MAPRE3: variants seen among roughly 807,000 people sequenced by gnomAD.
MAPRE3 encodes microtubule associated protein RP/EB family member 3.
Under a neutral mutation model 30.5 loss-of-function variants are expected in MAPRE3, and 2 were observed. The ratio of observed to expected loss-of-function variants is 0.07; its 90% CI spans 0.03 to 0.21. The LOEUF is 0.21. Among genes scored for constraint, MAPRE3 ranks in the 10% least tolerant of loss-of-function variants. The pLI is 1.00. For synonymous variants in MAPRE3, 110 were observed against 127.7 expected (o/e 0.86, Z 0.93); for missense variants, 204 against 351.8 (o/e 0.58, Z 3.36).
intron 1 of MAPRE3, among the ~76,000 whole-genome samples, chr2:26,989,944 C>T (rs1189512529): frequency 2.0e-5 from 3 of 152,102 alleles, no homozygotes; most frequent in Non-Finnish European, 4.4e-5. Flanking sequence ...TTTGAGAAGC[C>T]GAGGTGGGAC....
intron 1 of MAPRE3, among the ~76,000 whole-genome samples, chr2:27,014,301 C>T (rs1379289004): frequency 2.0e-5 from 3 of 152,176 alleles, no homozygotes; most frequent in African/African-American, 7.2e-5. Context: ...CCCAAGGACT[C>T]CTTCCCTGGC....
chr2:26,972,911 A>C (rs1665942444), intron 1 of MAPRE3, among the ~76,000 whole-genome samples: 1 of 152,234 alleles, frequency 6.6e-6, no homozygotes, highest in Admixed American at 6.5e-5. Flanking sequence ...CTATGAGGAA[A>C]CAGGACTAAT....
intron 1 of MAPRE3, among the ~76,000 whole-genome samples, chr2:26,977,031 A>C (rs1206488380): frequency 6.6e-6 from 1 of 152,268 alleles, no homozygotes; most frequent in Non-Finnish European, 1.5e-5. Context: ...ATGGCATTAA[A>C]AACATTTGGA....
At chr2:26,992,857 A>G (rs1025914547) in intron 1 of MAPRE3, among the ~76,000 whole-genome samples, 1 of 152,216 alleles carries the variant, frequency 6.6e-6, no homozygotes, top group Non-Finnish European at 1.5e-5. Flanking sequence ...TCTGTTTCCT[A>G]CATGGAGTGT....
chr2:27,020,974 A>G (rs1234493227), intron 1 of MAPRE3, among the ~76,000 whole-genome samples: 1 of 152,220 alleles, frequency 6.6e-6, no homozygotes, highest in Non-Finnish European at 1.5e-5. Flanking sequence ...ATACCGATCA[A>G]AAATATTCAG....
At chr2:27,023,628 G>A in intron 3 of MAPRE3, 151 bp downstream of exon 3, 1 of 855,694 alleles carries the variant, frequency 1.2e-6, no homozygotes, top group Non-Finnish European at 1.9e-6. Flanking sequence ...TTTTCCCCCT[G>A]CTCAAGGCAC....
At chr2:26,991,505 TG>T (rs1176180578) in intron 1 of MAPRE3, among the ~76,000 whole-genome samples, 1 of 152,216 alleles carries the variant, frequency 6.6e-6, no homozygotes, top group African/African-American at 2.4e-5. Flanking sequence ...AAATGGTCTG[TG>T]GGTCACTGCC....
At chr2:26,976,513 A>G (rs369743856) in intron 1 of MAPRE3, among the ~76,000 whole-genome samples, 1 of 152,220 alleles carries the variant, frequency 6.6e-6, no homozygotes, top group East Asian at 1.9e-4. Flanking sequence ...TCTTGTGCAC[A>G]GAGTTGACTG....
At chr2:27,018,826 G>A (rs1480436582) in intron 1 of MAPRE3, among the ~76,000 whole-genome samples, 3 of 152,146 alleles carry the variant, frequency 2.0e-5, no homozygotes, top group Non-Finnish European at 4.4e-5. Context: ...TGTAGAACCC[G>A]AAAGTGAATG....
chr2:26,995,358 C>T (rs547945416), intron 1 of MAPRE3: 1 of 152,242 alleles, frequency 6.6e-6, no homozygotes, highest in African/African-American at 2.4e-5. Context: ...AAAGTAGTTT[C>T]CACTCTCCCC....
At chr2:27,020,771 T>G (rs1667093470) in intron 1 of MAPRE3, among the ~76,000 whole-genome samples, 1 of 152,208 alleles carries the variant, frequency 6.6e-6, no homozygotes, top group Non-Finnish European at 1.5e-5. Context: ...CTGAAAGGAC[T>G]TGAAGTGGGG....
intron 1 of MAPRE3, among the ~76,000 whole-genome samples, chr2:27,003,921 G>A (rs1449869096): frequency 4.6e-5 from 7 of 152,146 alleles, no homozygotes; most frequent in Non-Finnish European, 7.4e-5. Context: ...GGTTCTGTGC[G>A]GATGCTCCAC....
At chr2:27,002,335 C>A (rs1225644314) in intron 1 of MAPRE3, among the ~76,000 whole-genome samples, 1 of 151,928 alleles carries the variant, frequency 6.6e-6, no homozygotes, top group Non-Finnish European at 1.5e-5. Flanking sequence ...AAGTTTTACA[C>A]ATATCTATAA....
At chr2:27,006,199 C>CA (rs1334070445) in intron 1 of MAPRE3, among the ~76,000 whole-genome samples, 101 of 150,724 alleles carry the variant, frequency 6.7e-4, no homozygotes, top group African/African-American at 2.3e-3. Context: ...AAAACAAAAA[C>CA]AAAAACAAAA....
At chr2:27,020,589 C>T (rs935972089) in intron 1 of MAPRE3, among the ~76,000 whole-genome samples, 1 of 152,188 alleles carries the variant, frequency 6.6e-6, no homozygotes, top group East Asian at 1.9e-4. Flanking sequence ...GGTTTCAGTG[C>T]GGGAGCATAG....
chr2:26,989,363 T>TCGATTAATAAGAAAG (rs1422098823), intron 1 of MAPRE3, among the ~76,000 whole-genome samples: 3 of 152,026 alleles, frequency 2.0e-5, no homozygotes, highest in Non-Finnish European at 4.4e-5. Flanking sequence ...ATACACTGCC[T>TCGATTAATAAGAAAG]CGATTAATAA....
intron 1 of MAPRE3, among the ~76,000 whole-genome samples, chr2:26,974,345 T>C (rs1665974061): frequency 6.6e-6 from 1 of 152,260 alleles, no homozygotes; most frequent in Non-Finnish European, 1.5e-5. Flanking sequence ...CTTGCCACTT[T>C]AAAAATAATA....
At chr2:27,022,462 G>T in intron 2 of MAPRE3, 123 bp downstream of exon 2, 5 of 1,256,038 alleles carry the variant, frequency 4.0e-6, no homozygotes, top group East Asian at 2.3e-5. Flanking sequence ...TGTGGCCAGA[G>T]AAATGCATCC....
intron 1 of MAPRE3, among the ~76,000 whole-genome samples, chr2:26,973,579 GCT>G (rs1665956189): frequency 7.0e-6 from 1 of 142,174 alleles, no homozygotes; most frequent in African/African-American, 2.6e-5. Context: ...ACGGAGTCTC[GCT>G]CTGTCGCCCA....
Sources: allele counts gnomAD v4.1 joint callset (sites outside exome capture counted in the v4.1 genomes callset), GRCh38; gene constraint gnomAD v4.1.1; transcripts MANE v1.5; gene names NCBI Gene and HGNC (gene_info 2026-07-23, HGNC 2026-07-21).